ZNF517: variants seen among roughly 807,000 people sequenced by gnomAD.
The protein encoded by ZNF517 is zinc finger protein 517.
ZNF517 carries 12 observed loss-of-function variants against 12.1 expected under a neutral mutation model. The ratio of observed to expected loss-of-function variants is 0.99; its 90% CI spans 0.63 to 1.61. ZNF517 has a LOEUF of 1.61. ZNF517 is among the 40% of genes most tolerant of loss of function. ZNF517 has a pLI of 0.00. For synonymous variants in ZNF517, 388 were observed against 310.2 expected, an observed-to-expected ratio of 1.25 and a Z score of -2.63; for missense variants, 781 against 693.2, an observed-to-expected ratio of 1.13 and a Z score of -1.42.
At chr8:144,804,036 C>G in intron 3 of ZNF517, 89 bp from the exon 4 acceptor site, 2 of 1,341,840 alleles carry the variant, frequency 1.5e-6, no homozygotes, top group African/African-American at 2.9e-5. Flanking sequence ...ACTCCAAGCA[C>G]TCTGTGCCCT....
At chr8:144,812,495 CAG>C (rs1444670827), downstream of ZNF517, among the ~76,000 whole-genome samples, 25 of 152,056 alleles carry the variant, frequency 1.6e-4, no homozygotes, top group African/African-American at 5.6e-4. Context: ...AAGGCTGAGA[CAG>C]GGTGGGAGAG....
chr8:144,808,476 C>G lies in ZNF517; in HGVS notation c.*81C>G. On this transcript the variant is annotated 3_prime_UTR_variant, in exon 5 of 5. Coordinates refer to ENST00000359971, the MANE Select transcript of ZNF517 (RefSeq NM_213605.3). ...CCCTAGCGCAGAAATTCAGAACCCC[C>G]TGTCCTGAAGGTGAAGCAAAGTCTA... is the stretch of plus-strand genomic sequence containing the variant. The G allele has an allele frequency of 7.1e-7, 1 of 1,402,714 alleles. No homozygotes were observed. Among genetic ancestry groups the G allele is most frequent in the Non-Finnish European group, 9.3e-7 (1 of 1,078,258 alleles). The allele number at this position is 1,402,714 out of a possible 1,614,324, so 86.9% of individuals were successfully genotyped here. A position where few individuals can be genotyped will look rare whatever the true frequency, so the allele number is the denominator to read the frequency against.
chr8:144,804,747 G>A (rs929296664), intron 4 of ZNF517, among the ~76,000 whole-genome samples: 3 of 152,184 alleles, frequency 2.0e-5, no homozygotes, highest in Non-Finnish European at 4.4e-5. Context: ...GATTGATAAG[G>A]TCATGTGAGT....
At chr8:144,811,215 T>TA (rs1827545151), downstream of ZNF517, 1 of 152,330 alleles carries the variant, frequency 6.6e-6, no homozygotes, top group African/African-American at 2.4e-5. Context: ...ACGATCCACT[T>TA]ACTCTGTGGA....
chr8:144,812,037 G>T (rs202062964), downstream of ZNF517, among the ~76,000 whole-genome samples: 3,480 of 131,384 alleles, frequency 0.026, 15 homozygotes, highest in African/African-American at 0.062. Context: ...GTAAAGCTCA[G>T]CCAGGTGCAG....
rs1827469650 is a variant in ZNF517 at position 144,809,418 on chromosome 8, T to A, written c.*1023T>A. ...CAGTGGACTCAGTGAAGATCTGCCCTCAGCGTGGGCAGGCACATCCACTTG... is the reference window on the plus strand; with the variant it reads ...CAGTGGACTCAGTGAAGATCTGCCCACAGCGTGGGCAGGCACATCCACTTG... On this transcript the variant is annotated 3_prime_UTR_variant, in exon 5 of 5. Coordinates refer to ENST00000359971, the MANE Select transcript of ZNF517 (RefSeq NM_213605.3). 6.6e-6 allele frequency: 1 copy of A among 152,160 alleles called. No homozygotes were observed. Among genetic ancestry groups the A allele is most frequent in the Non-Finnish European group, 1.5e-5 (1 of 68,044 alleles). 9.4% of individuals were successfully genotyped at this position (152,160 alleles called of 1,614,324 possible).
At chr8:144,812,327 G>C (rs918094461), downstream of ZNF517, among the ~76,000 whole-genome samples, 1 of 103,038 alleles carries the variant, frequency 9.7e-6, no homozygotes, top group Non-Finnish European at 1.8e-5. Flanking sequence ...GCCAGGTGCA[G>C]ACTGCAGCCT....
At chr8:144,800,092 C>T (rs577136564) in intron 1 of ZNF517, among the ~76,000 whole-genome samples, 5 of 151,816 alleles carry the variant, frequency 3.3e-5, no homozygotes, top group Non-Finnish European at 7.4e-5. Context: ...GCCCCAGGTC[C>T]CCGAGGAACA....
chr8:144,808,105 G>T lies in ZNF517; in HGVS notation c.1189G>T (p.Glu397Ter). The T allele has an allele frequency of 6.2e-7, 1 of 1,611,432 alleles. No homozygotes were observed. Among genetic ancestry groups the T allele is most frequent in the Non-Finnish European group, 8.5e-7 (1 of 1,179,320 alleles). Residue 397 changes from glutamate (E) to a stop codon, truncating the protein, a stop_gained, in exon 5 of 5, where the codon GAG becomes TAG. Transcript: ENST00000359971. LOFTEE classifies it low-confidence loss of function (END_TRUNC). ...CCTACACACGGGCGAGAAGCCGTTCGAGTGCGCGGAGTGCGGCAAGGCCTT... is the reference window on the plus strand; with the variant it reads ...CCTACACACGGGCGAGAAGCCGTTCTAGTGCGCGGAGTGCGGCAAGGCCTT... ...LRLHTGEKPF[E>*]CAECGKAFGR...
chr8:144,799,555 G>C (rs2130406551), intron 1 of ZNF517, among the ~76,000 whole-genome samples: 1 of 152,342 alleles, frequency 6.6e-6, no homozygotes, highest in South Asian at 2.1e-4. Flanking sequence ...TTCTGGTTTT[G>C]ACAAGGGCCT....
chr8:144,800,456 C>G (rs1826902159), intron 1 of ZNF517: 10 of 981,380 alleles, frequency 1.0e-5, no homozygotes, highest in Non-Finnish European at 1.2e-5. Flanking sequence ...CCAAGTCCTA[C>G]CCTAGTCCTG....
At chr8:144,799,816 T>C (rs1826864541) in intron 1 of ZNF517, among the ~76,000 whole-genome samples, 1 of 152,112 alleles carries the variant, frequency 6.6e-6, no homozygotes, top group African/African-American at 2.4e-5. Flanking sequence ...GGCGGGCGCC[T>C]GTAGTCCCAG....
chr8:144,813,304 G>A (rs1208257561), downstream of ZNF517, among the ~76,000 whole-genome samples: 3 of 131,586 alleles, frequency 2.3e-5, no homozygotes, highest in Non-Finnish European at 3.1e-5. Context: ...TGACAGAGCC[G>A]GACTCTGTCT....
chr8:144,803,877 T>G, intron 3 of ZNF517, 110 bp downstream of exon 3: 3 of 1,466,388 alleles, frequency 2.0e-6, no homozygotes, highest in Non-Finnish European at 2.8e-6. Flanking sequence ...GAGGGGAAGC[T>G]GGAGGCTCCC....
At chr8:144,801,396 G>C (rs974216008) in intron 1 of ZNF517, among the ~76,000 whole-genome samples, 2 of 152,114 alleles carry the variant, frequency 1.3e-5, no homozygotes, top group Non-Finnish European at 1.5e-5. Flanking sequence ...TTGGTGGCAT[G>C]ATCTCGGTTC....
chr8:144,802,735 G>A (rs961627325), intron 1 of ZNF517, 135 bp from the exon 2 acceptor site: 13 of 1,377,660 alleles, frequency 9.4e-6, no homozygotes, highest in South Asian at 1.7e-5. Context: ...TCCTTGGGAC[G>A]TGAAGGAGGC....
rs904751638 is a variant in ZNF517, at chr8:144,810,001, C to A, written c.*1606C>A. ...CTGGGAGGTAGAGGTTGCAGTGAGC[C>A]GAGATCGAGCCACTGCACTCCAGCC... On this transcript the variant is annotated 3_prime_UTR_variant, in exon 5 of 5. Coordinates refer to ENST00000359971, the MANE Select transcript of ZNF517 (RefSeq NM_213605.3). 8 of 449,320 alleles carry A rather than the reference C, an allele frequency of 1.8e-5. No homozygotes were observed. The highest frequency in any genetic ancestry group is 2.8e-5 in the Non-Finnish European group (7 of 249,622). The allele number at this position is 449,320 out of a possible 1,614,324, so 27.8% of individuals were successfully genotyped here.
Position 144,809,841 on chromosome 8 carries a change from C to G in ZNF517, c.*1446C>G. ...CAGAGGTAGGTGGATCACCTGAGGT[C>G]AGGAGTTCAAGACCAGCCTGGCCAA... On this transcript the variant is annotated 3_prime_UTR_variant, in exon 5 of 5. Transcript: ENST00000359971. 1 of 239,096 alleles carries G rather than the reference C, an allele frequency of 4.2e-6. No homozygotes were observed. The highest frequency in any genetic ancestry group is 8.2e-5 in the East Asian group (1 of 12,190). The allele number at this position is 239,096 out of a possible 1,614,324, so 14.8% of individuals were successfully genotyped here.
chr8:144,807,416 T>G lies in ZNF517; in HGVS notation c.500T>G (p.Leu167Arg), dbSNP rs1461222677. The stretch of plus-strand genomic sequence containing the variant: ...TCCCCAAGGGTTCTGCAGGAAGACC[T>G]GGGCCGGCCTGTGGGGAGCTCAGCC... ...SASPRVLQED[L>R]GRPVGSSAPR... Residue 167 changes from leucine to arginine, a missense_variant, in exon 5 of 5, where the codon CTG becomes CGG. Physicochemically the swap from Leu to Arg is moderately radical, Grantham distance 102. Transcript: ENST00000359971. 3 of 1,565,144 alleles carry G rather than the reference T, an allele frequency of 1.9e-6. No homozygotes were observed. The highest frequency in any genetic ancestry group is 2.6e-6 in the Non-Finnish European group (3 of 1,155,410).
Sources: allele counts gnomAD v4.1 joint callset (sites outside exome capture counted in the v4.1 genomes callset), GRCh38; gene constraint gnomAD v4.1.1; transcripts MANE v1.5; gene names NCBI Gene and HGNC (gene_info 2026-07-23, HGNC 2026-07-21).